Variants in TP53TG3D observed in about 807,000 individuals in gnomAD.
The protein encoded by TP53TG3D is TP53 target 3D, also known as TP53-target gene 3 protein.
For missense variants in TP53TG3D, 4 were observed against 139.9 expected (o/e 0.03, Z 4.90); for synonymous variants, 2 against 56.9 (o/e 0.04, Z 4.34).
chr16:32,254,705 C>A, intron 1 of TP53TG3D, 186 bp from the exon 2 acceptor site: 1 of 1,461,784 alleles, frequency 6.8e-7, no homozygotes, highest in South Asian at 1.5e-5. Flanking sequence ...CAGAGCGCCC[C>A]TTGGTCCCTC....
exon 2 of TP53TG3D, chr16:32,255,077 A>T: frequency 7.1e-7 from 1 of 1,403,474 alleles, no homozygotes; most frequent in Non-Finnish European, 9.9e-7. Flanking sequence ...AACATTTAAG[A>T]CAAGTCTGGA....
intron 1 of TP53TG3D, 99 bp from the exon 2 acceptor site, chr16:32,254,791 GA>G (rs1962183262): frequency 6.2e-7 from 1 of 1,607,584 alleles, no homozygotes; most frequent in East Asian, 2.2e-5. Flanking sequence ...GGCTCCCTTG[GA>G]AAATAATATC....
chr16:32,254,723 A>G (rs1254551185), intron 1 of TP53TG3D, 168 bp from the exon 2 acceptor site: 6 of 1,471,052 alleles, frequency 4.1e-6, no homozygotes, highest in African/African-American at 2.9e-5. Context: ...CTCCCAACAC[A>G]TGAGGGTAGT....
At chr16:32,255,061 G>C (rs1246380917) in exon 2 of TP53TG3D, 9 of 1,491,002 alleles carry the variant, frequency 6.0e-6, no homozygotes, top group African/African-American at 1.4e-5. Flanking sequence ...CTAAGGTAAA[G>C]AATGGAACAT....
chr16:32,254,876 C>A lies in TP53TG3D; in HGVS notation c.363-15C>A. On this transcript the variant is annotated splice_polypyrimidine_tract_variant and intron_variant, in intron 1 of 1. Transcript: ENST00000398664. ...CTAAACAGTGATCATTCTCTTAATT[C>A]ATGTTTCCATTAAGTTTTTCAGGTT... 1.3e-6 allele frequency: 2 copies of A among 1,587,404 alleles called. No homozygotes were observed. Among genetic ancestry groups the A allele is most frequent in the Non-Finnish European group, 1.7e-6 (2 of 1,163,886 alleles).
intron 1 of TP53TG3D, 135 bp from the exon 2 acceptor site, chr16:32,254,756 G>A (rs1962181862): frequency 6.4e-7 from 1 of 1,553,914 alleles, no homozygotes; most frequent in Non-Finnish European, 8.7e-7. Flanking sequence ...GTCAGGGATA[G>A]TGTCTGCGCT....
chr16:32,254,992 C>T, exon 2 of TP53TG3D: 2 of 1,126,994 alleles, frequency 1.8e-6, no homozygotes, highest in Non-Finnish European at 2.6e-6. Flanking sequence ...CTCCGTGGGA[C>T]ATCTCTCTGG....
In TP53TG3D at chr16:32,254,778, T is replaced by A. The variant is rs967028247; in HGVS notation, c.363-113T>A. On this transcript the variant is annotated intron_variant, in intron 1 of 1. Coordinates refer to ENST00000398664, the Ensembl canonical transcript of TP53TG3D. ...ATAGTGTCTGCGCTTCTACCCTGAA[T>A]AGGGCTCCCTTGGAAAATAATATCT... 14 of 1,597,574 alleles carry A rather than the reference T, an allele frequency of 8.8e-6. No homozygotes were observed. The African/African-American group carries it at 1.9e-4, about 22-fold the overall frequency.
In TP53TG3D at chr16:32,254,743, G is replaced by T. The variant is rs1423614724; in HGVS notation, c.363-148G>T. 9.2e-6 allele frequency: 14 copies of T among 1,526,374 alleles called. 1 individual carries two copies. The highest frequency in any genetic ancestry group is 2.8e-5 in the African/African-American group (2 of 70,812). 94.6% of individuals were successfully genotyped at this position (1,526,374 alleles called of 1,614,324 possible). On this transcript the variant is annotated intron_variant, in intron 1 of 1. Coordinates refer to ENST00000398664, the Ensembl canonical transcript of TP53TG3D. ...AACACATGAGGGTAGTTTGTGTGGT[G>T]AGGTCAGGGATAGTGTCTGCGCTTC... is the stretch of plus-strand genomic sequence containing the variant.
At chr16:32,254,943 G>A (rs755531470) in exon 2 of TP53TG3D, 5 of 1,551,674 alleles carry the variant, frequency 3.2e-6, no homozygotes, top group Non-Finnish European at 4.4e-6. Context: ...GATAGACACT[G>A]CCTCAGCTCC....
At chr16:32,254,637 C>G in intron 1 of TP53TG3D, 1 of 1,447,536 alleles carries the variant, frequency 6.9e-7, no homozygotes, top group Non-Finnish European at 9.1e-7. Context: ...GGCTGCTTCC[C>G]AGGCCTCAGG....
chr16:32,255,194 A>G (rs1962195768), exon 2 of TP53TG3D: 1 of 557,650 alleles, frequency 1.8e-6, no homozygotes, highest in Non-Finnish European at 3.2e-6. Flanking sequence ...AAAATGATAA[A>G]TCATATCAAG....
rs1405899650 is a variant in TP53TG3D, at chr16:32,255,383, C to T, written c.*480C>T. The T allele has an allele frequency of 1.0e-4, 24 of 235,252 alleles. 1 individual carries two copies. Among genetic ancestry groups the T allele is most frequent in the Admixed American group, 5.6e-4 (10 of 17,836 alleles). 14.6% of individuals were successfully genotyped at this position (235,252 alleles called of 1,614,324 possible). ...ATTTATTTTTGCAACCCATCTAATT[C>T]TTCTGTCTCTCTCCTCTCCTCAGGC... On this transcript the variant is annotated 3_prime_UTR_variant, in exon 2 of 2. Transcript: ENST00000398664.
intron 1 of TP53TG3D, chr16:32,254,416 C>A (rs1480348086): frequency 2.0e-6 from 3 of 1,529,598 alleles, no homozygotes; most frequent in Non-Finnish European, 1.7e-6. Context: ...TCTCTGCACC[C>A]CAGGAGTGCC....
rs867622000 is a variant in TP53TG3D at position 32,254,670 on chromosome 16, C to G, written c.363-221C>G. The G allele has an allele frequency of 6.2e-5, 90 of 1,446,826 alleles. 3 individuals are homozygous for G. The Middle Eastern group carries it at 1.0e-3, about 16-fold the overall frequency. 89.6% of individuals were successfully genotyped at this position (1,446,826 alleles called of 1,614,324 possible). On this transcript the variant is annotated intron_variant, in intron 1 of 1. Transcript: ENST00000398664. ...AGGGTCTTAGTGTGGACCTCCGGGC[C>G]GTGATTAATGCAGGTCAGCAGGACC...
chr16:32,254,850 A>G lies in TP53TG3D; in HGVS notation c.363-41A>G, dbSNP rs992373361. 14 of 1,598,068 alleles carry G rather than the reference A, an allele frequency of 8.8e-6. No homozygotes were observed. In the African/African-American group the frequency reaches 1.8e-4, roughly 20 times the overall value. ...CCACTTTTAATAGTTTTCTGATAGA[A>G]CTAAACAGTGATCATTCTCTTAATT... On this transcript the variant is annotated intron_variant, in intron 1 of 1. Transcript: ENST00000398664.
chr16:32,254,770 A>G lies in TP53TG3D; in HGVS notation c.363-121A>G. On this transcript the variant is annotated intron_variant, in intron 1 of 1. Transcript: ENST00000398664. ...GGTCAGGGATAGTGTCTGCGCTTCT[A>G]CCCTGAATAGGGCTCCCTTGGAAAA... 3.2e-6 allele frequency: 5 copies of G among 1,585,600 alleles called. No individual in the cohort carries two copies. The South Asian group carries it at 5.7e-5, about 18-fold the overall frequency.
In TP53TG3D at chr16:32,254,793, A is replaced by G. The variant is rs1962183331; in HGVS notation, c.363-98A>G. On this transcript the variant is annotated intron_variant, in intron 1 of 1. Transcript: ENST00000398664. Reference sequence around the variant, plus strand: ...CTACCCTGAATAGGGCTCCCTTGGAAAATAATATCTCTTTTTAAATACCCC... The same window carrying G: ...CTACCCTGAATAGGGCTCCCTTGGAGAATAATATCTCTTTTTAAATACCCC... 7.5e-6 allele frequency: 12 copies of G among 1,607,668 alleles called. 1 individual carries two copies. The highest frequency in any genetic ancestry group is 1.0e-5 in the Non-Finnish European group (12 of 1,178,108).
intron 1 of TP53TG3D, 68 bp from the exon 2 acceptor site, chr16:32,254,823 G>T: frequency 3.1e-6 from 5 of 1,606,746 alleles, no homozygotes; most frequent in South Asian, 1.1e-5. Context: ...TACCCCCTTG[G>T]ACCACTTTTA....
Sources: allele counts gnomAD v4.1 joint callset, GRCh38; gene constraint gnomAD v4.1.1; transcripts MANE v1.5; gene names NCBI Gene and HGNC (gene_info 2026-07-23, HGNC 2026-07-21).